The following NSMAF variants were observed in gnomAD, a reference collection of about 807,000 sequenced individuals.
The protein encoded by NSMAF is neutral sphingomyelinase activation associated factor.
A neutral mutation model predicts 134.9 loss-of-function variants in NSMAF; 90 were observed. The ratio of observed to expected loss-of-function variants is 0.67; its 90% CI spans 0.56 to 0.79. NSMAF has a LOEUF of 0.79. NSMAF is among the 30% of genes least tolerant of loss of function. NSMAF has a pLI of 0.00. For synonymous variants in NSMAF, 358 were observed against 389.6 expected, an observed-to-expected ratio of 0.92 and a Z score of 0.96; for missense variants, 1,010 against 1,119.0, an observed-to-expected ratio of 0.90 and a Z score of 1.39.
Position 58,583,907 on chromosome 8 carries a change from G to A in NSMAF, c.*199C>T, listed in dbSNP as rs144693853. On this transcript the variant is annotated 3_prime_UTR_variant, in exon 31 of 31. Transcript: ENST00000038176. ...GTAACATGTTTTTCCTAACACAGCC[G>A]CATTTTATCTGCCCTAAGAGAATAG... The A allele has an allele frequency of 1.7e-5, 10 of 573,042 alleles. No individual in the cohort carries two copies. The highest frequency in any genetic ancestry group is 5.7e-5 in the African/African-American group (3 of 52,956). The allele number at this position is 573,042 out of a possible 1,614,324, so 35.5% of individuals were successfully genotyped here. A position where few individuals can be genotyped will look rare whatever the true frequency, so the allele number is the denominator to read the frequency against.
intron 9 of NSMAF, among the ~76,000 whole-genome samples, chr8:58,622,710 A>G (rs760637196): frequency 1.3e-5 from 2 of 151,584 alleles, no homozygotes; most frequent in Non-Finnish European, 2.9e-5. Flanking sequence ...TTAATTTTTA[A>G]TTTTGCAGAG....
chr8:58,625,154 G>A (rs1806896554), intron 6 of NSMAF, among the ~76,000 whole-genome samples: 1 of 152,070 alleles, frequency 6.6e-6, no homozygotes, highest in South Asian at 2.1e-4. Flanking sequence ...AGTCTAAATG[G>A]GAAAAACACT....
chr8:58,631,528 G>T lies in NSMAF; in HGVS notation c.352C>A (p.His118Asn). ...IFSQVYFIKE[H>N]NVVAPYKIER... ...ATTTTATATGGTGCAACAACATTATGTTCTTTAATGAAATATACCTGAGCA... is the reference window on the plus strand; with the variant it reads ...ATTTTATATGGTGCAACAACATTATTTTCTTTAATGAAATATACCTGAGCA... The change falls in exon 6 of 31, where the codon CAT becomes AAT. Residue 118 changes from histidine (H) to asparagine (N), a missense_variant. His to Asn is a moderately conservative substitution (Grantham distance 68). Coordinates refer to ENST00000038176, the MANE Select transcript of NSMAF (RefSeq NM_003580.4). 1 of 1,505,128 alleles carries T rather than the reference G, an allele frequency of 6.6e-7. No homozygotes were observed. The highest frequency in any genetic ancestry group is 9.0e-7 in the Non-Finnish European group (1 of 1,109,656). The allele number at this position is 1,505,128 out of a possible 1,614,324, so 93.2% of individuals were successfully genotyped here.
At chr8:58,634,961 G>A (rs562499408) in intron 5 of NSMAF, among the ~76,000 whole-genome samples, 15 of 152,268 alleles carry the variant, frequency 9.9e-5, no homozygotes, top group African/African-American at 3.6e-4. Flanking sequence ...AATCGTGAGA[G>A]CTCCAAGGAC....
At chr8:58,594,188 T>C in intron 23 of NSMAF, 44 bp downstream of exon 23, 5 of 1,551,790 alleles carry the variant, frequency 3.2e-6, no homozygotes, top group Non-Finnish European at 4.5e-6. Flanking sequence ...AACTCAGACA[T>C]TCTAGGATTT....
intron 2 of NSMAF, chr8:58,637,143 C>T (rs749505420): frequency 3.1e-6 from 1 of 325,070 alleles, no homozygotes; most frequent in Non-Finnish European, 6.2e-6. Flanking sequence ...CTGATGCTTA[C>T]ATTGTCGCAT....
At chr8:58,588,237 C>T (rs966343343) in intron 26 of NSMAF, among the ~76,000 whole-genome samples, 1 of 152,032 alleles carries the variant, frequency 6.6e-6, no homozygotes, top group African/African-American at 2.4e-5. Context: ...TGAACATATT[C>T]CTACATCGAA....
intron 26 of NSMAF, chr8:58,588,584 C>T: frequency 7.5e-7 from 1 of 1,335,684 alleles, no homozygotes; most frequent in Non-Finnish European, 1.1e-6. Flanking sequence ...AGCAAATAGG[C>T]ATCAAAGATG....
chr8:58,603,654 A>G (rs1260276751), intron 12 of NSMAF, among the ~76,000 whole-genome samples: 1 of 152,200 alleles, frequency 6.6e-6, no homozygotes. Context: ...ACAAAAGTGT[A>G]GCGCAAATAT....
intron 21 of NSMAF, among the ~76,000 whole-genome samples, chr8:58,597,040 T>C (rs1400542927): frequency 2.0e-5 from 3 of 151,930 alleles, no homozygotes; most frequent in African/African-American, 7.2e-5. Flanking sequence ...GAAGGCAGAC[T>C]GGACAGCTAG....
At chr8:58,614,497 T>C (rs1437390641) in intron 9 of NSMAF, among the ~76,000 whole-genome samples, 1 of 152,226 alleles carries the variant, frequency 6.6e-6, no homozygotes, top group East Asian at 1.9e-4. Context: ...TAGGCAAACC[T>C]AGATAATGGA....
chr8:58,606,278 G>A (rs1438768544), intron 11 of NSMAF, among the ~76,000 whole-genome samples: 6 of 152,026 alleles, frequency 3.9e-5, no homozygotes, highest in Non-Finnish European at 7.4e-5. Flanking sequence ...GCTAAACTTT[G>A]TAAATCACCT....
intron 9 of NSMAF, 79 bp downstream of exon 9, chr8:58,623,141 G>A (rs1166662552): frequency 7.3e-6 from 8 of 1,099,540 alleles, no homozygotes; most frequent in African/African-American, 1.6e-5. Context: ...GATGACAGCA[G>A]GCTTGGATTT....
rs568038132 is a variant in NSMAF, at chr8:58,600,030, G to C, written c.1281-9C>G. The C allele has an allele frequency of 6.3e-7, 1 of 1,595,540 alleles. No individual in the cohort carries two copies. The highest frequency in any genetic ancestry group is 1.1e-5 in the South Asian group (1 of 89,450). ...TCCAAGTTTCTGCAATACTACATAT[G>C]AAAAAAAAATTCACCTATTTTCAGC... is the stretch of plus-strand genomic sequence containing the variant. On this transcript the variant is annotated splice_polypyrimidine_tract_variant and intron_variant, in intron 16 of 30. Transcript: ENST00000038176.
At chr8:58,633,000 C>T (rs1563539630) in intron 5 of NSMAF, among the ~76,000 whole-genome samples, 1 of 152,172 alleles carries the variant, frequency 6.6e-6, no homozygotes, top group South Asian at 2.1e-4. Flanking sequence ...TGGTTCAATA[C>T]ACTTGGATTC....
intron 12 of NSMAF, among the ~76,000 whole-genome samples, chr8:58,604,861 A>G (rs988321255): frequency 6.6e-6 from 1 of 152,048 alleles, no homozygotes; most frequent in Non-Finnish European, 1.5e-5. Context: ...CTCCCACTTC[A>G]GCCTCTCGAG....
chr8:58,632,005 ATAAC>A (rs1807066421), intron 5 of NSMAF, among the ~76,000 whole-genome samples: 1 of 152,152 alleles, frequency 6.6e-6, no homozygotes, highest in Non-Finnish European at 1.5e-5. Context: ...TAGTATATTA[ATAAC>A]TATGTGGAAT....
intron 2 of NSMAF, among the ~76,000 whole-genome samples, chr8:58,638,048 T>C (rs2129146706): frequency 6.6e-6 from 1 of 152,062 alleles, no homozygotes; most frequent in Non-Finnish European, 1.5e-5. Context: ...CCCAAAACAA[T>C]CTGTTTTGTT....
chr8:58,609,653 A>G lies in NSMAF; in HGVS notation c.638T>C (p.Val213Ala), dbSNP rs201304249. Residue 213 changes from valine (V) to alanine (A), a missense_variant, in exon 10 of 31, where the codon GTG becomes GCG. Transcript: ENST00000038176. ...ATACAGGTTTGTGTCCGTGATGCACACGTGTCCAGGATTAGTCACCAGAGG... is the reference window on the plus strand; with the variant it reads ...ATACAGGTTTGTGTCCGTGATGCACGCGTGTCCAGGATTAGTCACCAGAGG... The part of the protein sequence containing the change: ...VTPLVTNPGH[V>A]CITDTNLYFQ... 102 of 1,614,078 alleles carry G rather than the reference A, an allele frequency of 6.3e-5. No individual in the cohort carries two copies. The highest frequency in any genetic ancestry group is 8.5e-5 in the Non-Finnish European group (100 of 1,180,018).
Sources: gnomAD v4.1 joint callset for allele counts (sites outside exome capture counted in the v4.1 genomes callset) on GRCh38, gnomAD v4.1.1 for gene constraint, MANE v1.5 for transcripts, NCBI Gene and HGNC (gene_info 2026-07-23, HGNC 2026-07-21) for gene names.